ACTN4: variants seen among roughly 807,000 people sequenced by gnomAD.
ACTN4 encodes actinin alpha 4, also known as alpha-actinin-4.
ACTN4 carries 18 observed loss-of-function variants against 114.2 expected under a neutral mutation model. The ratio of observed to expected loss-of-function variants is 0.16; its 90% confidence interval spans 0.11 to 0.23. The LOEUF is 0.23. Among genes scored for constraint, ACTN4 ranks in the 10% least tolerant of loss-of-function variants. The pLI, the probability that ACTN4 is intolerant of heterozygous loss-of-function variation, is 1.00. For synonymous variants in ACTN4, 515 were observed against 506.3 expected, an observed-to-expected ratio of 1.02 and a Z score of -0.23; for missense variants, 722 against 1,262.9, an observed-to-expected ratio of 0.57 and a Z score of 6.49.
rs1969498726 is a variant in ACTN4, at chr19:38,730,498, A to G, written c.*1066A>G. 1 of 301,266 alleles carries G rather than the reference A, an allele frequency of 3.3e-6. No individual in the cohort carries two copies. The highest frequency in any genetic ancestry group is 4.7e-5 in the Admixed American group (1 of 21,496). The allele number at this position is 301,266 out of a possible 1,614,324, so 18.7% of individuals were successfully genotyped here. ...TCTGGATAAACCACCCTCTGGGGAC[A>G]GGATAATAAAACATGTAATATTTTT... On this transcript the variant is annotated 3_prime_UTR_variant, in exon 21 of 21. Coordinates refer to ENST00000252699, the MANE Select transcript of ACTN4 (RefSeq NM_004924.6).
intron 5 of ACTN4, among the ~76,000 whole-genome samples, chr19:38,707,351 C>A (rs943798492): frequency 6.6e-6 from 1 of 152,036 alleles, no homozygotes; most frequent in Non-Finnish European, 1.5e-5. Context: ...GCGCGGGGAC[C>A]AGCTGTTAGC....
At chr19:38,657,607 G>T (rs1366874907) in intron 1 of ACTN4, among the ~76,000 whole-genome samples, 1 of 152,206 alleles carries the variant, frequency 6.6e-6, no homozygotes, top group Non-Finnish European at 1.5e-5. Flanking sequence ...TGAGGGGACT[G>T]CAGGAAGTGA....
rs944084247 is a variant in ACTN4 at position 38,727,388 on chromosome 19, A to G, written c.2337+285A>G. Among the ~76,000 whole-genome samples, 1 of 152,098 alleles carries G rather than the reference A, an allele frequency of 6.6e-6. No individual in the cohort carries two copies. The highest frequency in any genetic ancestry group is 2.4e-5 in the African/African-American group (1 of 41,406). On this transcript the variant is annotated intron_variant, in intron 18 of 20. Coordinates refer to ENST00000252699, the MANE Select transcript of ACTN4 (RefSeq NM_004924.6). This position sits in a 1 kb window ranked among gnomAD's most constrained non-coding sequence, Gnocchi z 5.4. ...GGGCAGATGAAGTCTCAGCACACCCAGGCTTTGCGACCCGGTCTGTGAACC... is the reference window on the plus strand; with the variant it reads ...GGGCAGATGAAGTCTCAGCACACCCGGGCTTTGCGACCCGGTCTGTGAACC...
chr19:38,718,363 CA>C, intron 11 of ACTN4: 5 of 501,182 alleles, frequency 1.0e-5, no homozygotes, highest in Admixed American at 2.9e-5. Flanking sequence ...CCTGCCTATA[CA>C]AAAAAATTTT....
intron 1 of ACTN4, among the ~76,000 whole-genome samples, chr19:38,654,449 C>A (rs901416729): frequency 1.3e-5 from 2 of 151,632 alleles, no homozygotes; most frequent in African/African-American, 2.4e-5. Flanking sequence ...GTAATCCCAG[C>A]TACTGGGGAG....
intron 1 of ACTN4, among the ~76,000 whole-genome samples, chr19:38,687,729 G>C (rs956315045): frequency 6.6e-6 from 1 of 152,104 alleles, no homozygotes; most frequent in Non-Finnish European, 1.5e-5. Context: ...TTAGGCAATG[G>C]TTATTAGATA....
rs377467940 is a variant in ACTN4 at position 38,730,457 on chromosome 19, A to AT, written c.*1033dup. ...TTTTTTTTTGAGTTTATTCTGATTG[A>AT]TTTTTTTTCTTGGTTTCTGGATAAA... On this transcript the variant is annotated 3_prime_UTR_variant, in exon 21 of 21. Transcript: ENST00000252699. 216 of 208,260 alleles carry AT rather than the reference A, an allele frequency of 1.0e-3. No individual in the cohort carries two copies. The highest frequency in any genetic ancestry group is 4.8e-3 in the African/African-American group (202 of 42,366). The allele number at this position is 208,260 out of a possible 1,614,324, so 12.9% of individuals were successfully genotyped here. A position where few individuals can be genotyped will look rare whatever the true frequency, so the allele number is the denominator to read the frequency against.
At position 38,728,692 on chromosome 19, in the gene ACTN4, G is replaced by A. The variant is rs58517658; in HGVS notation, c.2419-304G>A. 1.2e-3 allele frequency among the ~76,000 whole-genome samples: 189 copies of A among 152,184 alleles called. 3 individuals are homozygous for A. The East Asian group carries it at 0.032, about 26-fold the overall frequency. ...CTTCCCCATCCTCCAGAGCTTACTC[G>A]TGAGCCTGGGCTGAGGGCAGTAGAC... On this transcript the variant is annotated intron_variant, in intron 19 of 20. Coordinates refer to ENST00000252699, the MANE Select transcript of ACTN4 (RefSeq NM_004924.6).
intron 1 of ACTN4, among the ~76,000 whole-genome samples, chr19:38,651,722 G>GT (rs369180927): frequency 7.5e-4 from 114 of 151,250 alleles, no homozygotes; most frequent in Middle Eastern, 3.4e-3. Flanking sequence ...TTTTGTATTT[G>GT]TTTTTTTTGT....
intron 1 of ACTN4, among the ~76,000 whole-genome samples, chr19:38,649,296 G>T (rs1161129189): frequency 7.9e-6 from 1 of 126,922 alleles, no homozygotes; most frequent in Admixed American, 8.4e-5. Context: ...ATCCAGTGTG[G>T]TTGAGGGGGG....
intron 8 of ACTN4, among the ~76,000 whole-genome samples, chr19:38,712,997 C>T (rs2145044713): frequency 6.6e-6 from 1 of 152,236 alleles, no homozygotes; most frequent in South Asian, 2.1e-4. Flanking sequence ...AGGGCGCTGG[C>T]TGGTCAGAAA....
chr19:38,659,065 CTT>C lies in ACTN4; in HGVS notation c.162+11170_162+11171del, dbSNP rs577141157. On this transcript the variant is annotated intron_variant, in intron 1 of 20. Transcript: ENST00000252699. ...TAACTTTTTTTTCTTCTTTTCTTTT[CTT>C]TTTTTTTTTTTGAGACGGAGTCTTA... 2.7e-5 allele frequency among the ~76,000 whole-genome samples: 3 copies of C among 111,680 alleles called. 1 individual carries two copies. The highest frequency in any genetic ancestry group is 5.5e-5 in the Non-Finnish European group (3 of 54,926). 73.3% of individuals were successfully genotyped at this position (111,680 alleles called of 152,430 possible).
intron 1 of ACTN4, among the ~76,000 whole-genome samples, chr19:38,658,576 G>T (rs1478014272): frequency 6.6e-6 from 1 of 152,206 alleles, no homozygotes; most frequent in Non-Finnish European, 1.5e-5. Flanking sequence ...TTCTTTGGCT[G>T]TTACTGGTAT....
At chr19:38,697,220 A>AGGTT (rs1273618390) in intron 1 of ACTN4, among the ~76,000 whole-genome samples, 2 of 152,192 alleles carry the variant, frequency 1.3e-5, no homozygotes, top group Non-Finnish European at 2.9e-5. Flanking sequence ...CCAAGCGGCG[A>AGGTT]GGTTTGTTCA....
intron 19 of ACTN4, among the ~76,000 whole-genome samples, chr19:38,728,691 C>T (rs1219103430): frequency 1.3e-5 from 2 of 152,230 alleles, no homozygotes; most frequent in East Asian, 3.8e-4. Context: ...AGAGCTTACT[C>T]GTGAGCCTGG....
intron 12 of ACTN4, among the ~76,000 whole-genome samples, chr19:38,722,861 C>G (rs1413971542): frequency 6.6e-6 from 1 of 152,166 alleles, no homozygotes; most frequent in Non-Finnish European, 1.5e-5. Context: ...AACAGGCGGT[C>G]CCCGAAGCAG....
At chr19:38,651,993 C>T (rs1276189872) in intron 1 of ACTN4, among the ~76,000 whole-genome samples, 1 of 152,130 alleles carries the variant, frequency 6.6e-6, no homozygotes, top group African/African-American at 2.4e-5. Flanking sequence ...CTCGGCCTCC[C>T]AAAGTGCTGG....
intron 1 of ACTN4, among the ~76,000 whole-genome samples, chr19:38,671,602 A>G (rs2144883180): frequency 1.3e-5 from 2 of 152,340 alleles, no homozygotes; most frequent in East Asian, 3.9e-4. Flanking sequence ...AGGAGAGTTG[A>G]TGGATTTCAG....
At chr19:38,659,065 C>CTTTTTTTTTCTTTTTTTTTT (rs1976797712) in intron 1 of ACTN4, among the ~76,000 whole-genome samples, 1 of 111,692 alleles carries the variant, frequency 9.0e-6, no homozygotes, top group Non-Finnish European at 1.8e-5. Context: ...CTTTTCTTTT[C>CTTTTTTTTTCTTTTTTTTTT]TTTTTTTTTT....
Sources: gnomAD v4.1 joint callset for allele counts (sites outside exome capture counted in the v4.1 genomes callset) on GRCh38, gnomAD v4.1.1 for gene constraint, Gnocchi (gnomAD v3.1) non-coding constraint, MANE v1.5 for transcripts, NCBI Gene and HGNC (gene_info 2026-07-23, HGNC 2026-07-21) for gene names.